The following USPL1 variants were observed in gnomAD, a reference collection of about 807,000 sequenced individuals.
The protein encoded by USPL1 is SUMO-specific isopeptidase USPL1.
In USPL1, 27 loss-of-function variants were observed where a neutral mutation model predicts 51.5. The observed-to-expected ratio is 0.52, with a 90% CI of 0.39 to 0.72. The LOEUF is 0.72. Among genes scored for constraint, USPL1 ranks in the 30% least tolerant of loss-of-function variants. The pLI is 0.00. For synonymous variants in USPL1, 451 were observed against 459.6 expected, an observed-to-expected ratio of 0.98 and a Z score of 0.24; for missense variants, 1,226 against 1,268.0, an observed-to-expected ratio of 0.97 and a Z score of 0.50.
chr13:30,645,274 G>A (rs1204802053), intron 6 of USPL1, among the ~76,000 whole-genome samples: 2 of 152,176 alleles, frequency 1.3e-5, no homozygotes, highest in Non-Finnish European at 2.9e-5. Flanking sequence ...TGTCTTCTGT[G>A]TGTTAGGAAC....
Position 30,631,233 on chromosome 13 carries a change from A to T in USPL1, c.627A>T (p.Lys209Asn). ...CTCAAAATGAAGGATGTACATCTAAACTGGAAATGCCACTGGAGAGCAAAT... is the reference window on the plus strand; with the variant it reads ...CTCAAAATGAAGGATGTACATCTAATCTGGAAATGCCACTGGAGAGCAAAT... ...PSPQNEGCTS[K>N]LEMPLESKCT... The change falls in exon 4 of 9, where the codon AAA becomes AAT. Residue 209 changes from lysine to asparagine, a missense_variant. Coordinates refer to ENST00000255304, the MANE Select transcript of USPL1 (RefSeq NM_005800.5). The T allele has an allele frequency of 1.9e-6, 3 of 1,614,152 alleles. No homozygotes were observed. Among genetic ancestry groups the T allele is most frequent in the Non-Finnish European group, 2.5e-6 (3 of 1,180,018 alleles).
rs747264107 is a variant in USPL1 at position 30,631,388 on chromosome 13, A to G, written c.782A>G (p.Lys261Arg). The G allele has an allele frequency of 3.7e-6, 6 of 1,614,132 alleles. No individual in the cohort carries two copies. Among genetic ancestry groups the G allele is most frequent in the Non-Finnish European group, 5.1e-6 (6 of 1,180,054 alleles). ...LKNTVTGLCS[K>R]EESIFWRLLT... ...AACACCGTGACTGGACTGTGCTCGA[A>G]GGAGGAATCTATATTCTGGCGGTTG... The change falls in exon 4 of 9, where the codon AAG (lysine) becomes AGG (arginine). Residue 261 changes from lysine to arginine, a missense_variant. By Grantham distance (26) the Lys-to-Arg change is conservative. Transcript: ENST00000255304.
chr13:30,658,195 T>C lies in USPL1; in HGVS notation c.2118T>C (p.Leu706=), dbSNP rs368357294. The stretch of plus-strand genomic sequence containing the variant: ...AGGACGCTCAGTTAAAACAATTCCT[T>C]ACACCAAAAACTGAACAATTAAAAC... ...IEKDAQLKQF[L]TPKTEQLKPE... is the part of the protein sequence containing the mutation. The change falls in exon 9 of 9, where the codon CTT becomes CTC. Residue 706 remains leucine (L), a synonymous_variant. Coordinates refer to ENST00000255304, the MANE Select transcript of USPL1 (RefSeq NM_005800.5). The C allele has an allele frequency of 2.0e-5, 33 of 1,612,186 alleles. No homozygotes were observed. Among genetic ancestry groups the C allele is most frequent in the Middle Eastern group, 1.6e-4 (1 of 6,078 alleles).
chr13:30,626,260 C>T (rs1282081689), intron 3 of USPL1, among the ~76,000 whole-genome samples: 1 of 151,810 alleles, frequency 6.6e-6, no homozygotes, highest in Non-Finnish European at 1.5e-5. Context: ...TTGCAGTGAG[C>T]CAAGATTTGA....
chr13:30,630,451 T>C (rs1007202119), intron 3 of USPL1, among the ~76,000 whole-genome samples: 1 of 152,216 alleles, frequency 6.6e-6, no homozygotes, highest in African/African-American at 2.4e-5. Flanking sequence ...GAAAATACTT[T>C]TAAAATGTGT....
chr13:30,618,454 G>A lies in USPL1; in HGVS notation c.-69+398G>A, dbSNP rs140236527. 9.5e-3 allele frequency among the ~76,000 whole-genome samples: 1,440 copies of A among 151,814 alleles called. 29 individuals carry two copies. The highest frequency in any genetic ancestry group is 0.033 in the African/African-American group (1,372 of 41,334). ...ACCCTGTTCCTCGGCTTCCAGGTCG[G>A]TTGTGGCCTCGCTTTTGACAGTTCA... is the stretch of plus-strand genomic sequence containing the variant. On this transcript the variant is annotated intron_variant, in intron 1 of 8. Transcript: ENST00000255304.
At chr13:30,639,955 A>C (rs141189649) in intron 5 of USPL1, among the ~76,000 whole-genome samples, 1 of 152,154 alleles carries the variant, frequency 6.6e-6, no homozygotes, top group African/African-American at 2.4e-5. Flanking sequence ...CTGGTTTTCT[A>C]TGTAACAGAA....
intron 3 of USPL1, among the ~76,000 whole-genome samples, chr13:30,624,824 G>GC (rs1389633192): frequency 6.6e-6 from 1 of 152,174 alleles, no homozygotes; most frequent in African/African-American, 2.4e-5. Context: ...CATCTGCCCA[G>GC]CAACTGCCTG....
At chr13:30,648,954 G>A (rs965225460) in intron 7 of USPL1, among the ~76,000 whole-genome samples, 2 of 152,156 alleles carry the variant, frequency 1.3e-5, no homozygotes, top group Non-Finnish European at 2.9e-5. Context: ...ATTTCATCTA[G>A]CTGTTCATAC....
Position 30,626,992 on chromosome 13 carries a change from T to A in USPL1, c.229-3843T>A, listed in dbSNP as rs184740784. On this transcript the variant is annotated intron_variant, in intron 3 of 8. Transcript: ENST00000255304. ...TTTGTCTTTGGCCATACCTTGTTGA[T>A]AATTACTTATACAAGTATAAGAAGA... Among the ~76,000 whole-genome samples, 11 of 152,264 alleles carry A rather than the reference T, an allele frequency of 7.2e-5. No individual in the cohort carries two copies. The East Asian group carries it at 2.1e-3, about 29-fold the overall frequency.
At chr13:30,653,055 G>A (rs1327213810) in intron 7 of USPL1, 93 bp from the exon 8 acceptor site, 3 of 1,292,412 alleles carry the variant, frequency 2.3e-6, no homozygotes, top group Non-Finnish European at 2.1e-6. Context: ...CCTTGGAAGT[G>A]TTATGTGTGA....
At position 30,657,494 on chromosome 13, in the gene USPL1, G is replaced by T; in HGVS notation, c.1417G>T (p.Asp473Tyr). ...DADGSWLECDDLKGPCSERHK... is the reference protein window; with the variant it reads ...DADGSWLECDYLKGPCSERHK... ...TCCAGGAAGTTGGCTGGAATGTGAT[G>T]ACTTAAAAGGCCCATGTTCTGAAAG... The change falls in exon 9 of 9, where the codon GAC becomes TAC. Residue 473 changes from aspartate (D) to tyrosine (Y), a missense_variant. Asp to Tyr is a radical substitution (Grantham distance 160). Coordinates refer to ENST00000255304, the MANE Select transcript of USPL1 (RefSeq NM_005800.5). 1.3e-6 allele frequency: 2 copies of T among 1,590,578 alleles called. No individual in the cohort carries two copies. The highest frequency in any genetic ancestry group is 2.3e-5 in the South Asian group (2 of 86,690).
intron 4 of USPL1, among the ~76,000 whole-genome samples, chr13:30,637,139 G>T (rs1322875799): frequency 5.3e-5 from 8 of 151,844 alleles, no homozygotes; most frequent in Admixed American, 2.0e-4. Context: ...AAGAGATAGG[G>T]GTTTCACTAT....
At chr13:30,653,450 C>T in intron 8 of USPL1, 145 bp downstream of exon 8, 1 of 771,814 alleles carries the variant, frequency 1.3e-6, no homozygotes, top group Non-Finnish European at 2.0e-6. Context: ...GCCTTCTGCC[C>T]CTCCTCGCAT....
At chr13:30,642,511 C>G in intron 5 of USPL1, 117 bp from the exon 6 acceptor site, 1 of 1,214,486 alleles carries the variant, frequency 8.2e-7, no homozygotes, top group Non-Finnish European at 1.1e-6. Flanking sequence ...TTGTGTCATA[C>G]TGTATTAACA....
At chr13:30,632,474 C>T (rs537780875) in intron 4 of USPL1, among the ~76,000 whole-genome samples, 1 of 139,244 alleles carries the variant, frequency 7.2e-6, no homozygotes, top group South Asian at 2.3e-4. Flanking sequence ...AGTGCGATGG[C>T]ATGATCTCAG....
At position 30,660,588 on chromosome 13, in the gene USPL1, CCTT is replaced by C. The variant is rs1430073434; in HGVS notation, c.*1235_*1237del. 1.3e-5 allele frequency: 2 copies of C among 152,228 alleles called. No homozygotes were observed. The highest frequency in any genetic ancestry group is 4.8e-5 in the African/African-American group (2 of 41,448). The allele number at this position is 152,228 out of a possible 1,614,324, so 9.4% of individuals were successfully genotyped here. A position where few individuals can be genotyped will look rare whatever the true frequency, so the allele number is the denominator to read the frequency against. Reference sequence around the variant, plus strand: ...GACAGTTTTCCTTATGGTTGTGTGGCCTTCTGTAAGAGCCTACGCCTGTTTGTT... The same window carrying C: ...GACAGTTTTCCTTATGGTTGTGTGGCCTGTAAGAGCCTACGCCTGTTTGTT... On this transcript the variant is annotated 3_prime_UTR_variant, in exon 9 of 9. Transcript: ENST00000255304.
At chr13:30,647,912 C>T (rs1951039358) in intron 7 of USPL1, among the ~76,000 whole-genome samples, 1 of 152,196 alleles carries the variant, frequency 6.6e-6, no homozygotes, top group Admixed American at 6.5e-5. Flanking sequence ...CCTGTTCCCT[C>T]CTCCAGGTAT....
At chr13:30,622,794 G>T (rs536102434) in intron 3 of USPL1, among the ~76,000 whole-genome samples, 9 of 152,192 alleles carry the variant, frequency 5.9e-5, no homozygotes, top group Non-Finnish European at 8.8e-5. Context: ...GAAAATACTA[G>T]ACTAAATCAC....
Sources: allele counts gnomAD v4.1 joint callset (sites outside exome capture counted in the v4.1 genomes callset), GRCh38; gene constraint gnomAD v4.1.1; transcripts MANE v1.5; gene names NCBI Gene and HGNC (gene_info 2026-07-23, HGNC 2026-07-21).